Variants in TSPAN18 observed in about 807,000 individuals in gnomAD.
TSPAN18 encodes the protein tetraspanin 18.
In TSPAN18, 14 loss-of-function variants were observed where a neutral mutation model predicts 27.3. The ratio of observed to expected loss-of-function variants is 0.51; its 90% confidence interval spans 0.34 to 0.80. TSPAN18 has a LOEUF of 0.80. TSPAN18 is among the 30% of genes least tolerant of loss of function. The pLI is 0.01. For synonymous variants in TSPAN18, 143 were observed against 136.5 expected (o/e 1.05, Z -0.33); for missense variants, 268 against 323.9 (o/e 0.83, Z 1.32).
chr11:44,843,251 A>G (rs1857411795), intron 2 of TSPAN18, among the ~76,000 whole-genome samples: 1 of 152,302 alleles, frequency 6.6e-6, no homozygotes, highest in African/African-American at 2.4e-5. Flanking sequence ...AAAAGAGGGA[A>G]ATTTTAAAGC....
chr11:44,911,827 G>A (rs1293566818), intron 5 of TSPAN18, among the ~76,000 whole-genome samples: 1 of 152,112 alleles, frequency 6.6e-6, no homozygotes, highest in Non-Finnish European at 1.5e-5. Context: ...CAGGACTGAG[G>A]CCCAGGGGTA....
At chr11:44,910,545 C>T (rs1859670271) in intron 5 of TSPAN18, among the ~76,000 whole-genome samples, 1 of 152,208 alleles carries the variant, frequency 6.6e-6, no homozygotes, top group Non-Finnish European at 1.5e-5. Context: ...TGACATTGAC[C>T]TTGATGTTTT....
intron 2 of TSPAN18, among the ~76,000 whole-genome samples, chr11:44,857,021 G>A (rs2135202365): frequency 6.6e-6 from 1 of 152,308 alleles, no homozygotes; most frequent in South Asian, 2.1e-4. Flanking sequence ...CAGCTGTGAT[G>A]TTCATCGTGG....
chr11:44,835,106 G>T lies in TSPAN18; in HGVS notation c.-152-25222G>T, dbSNP rs542174725. On this transcript the variant is annotated intron_variant, in intron 2 of 9. Transcript: ENST00000520358. Reference sequence around the variant, plus strand: ...GGCTGCCTGCACACGGGAGCAGGGGGCTCCGGCAGCTCAAAGGTCATCCTC... The same window carrying T: ...GGCTGCCTGCACACGGGAGCAGGGGTCTCCGGCAGCTCAAAGGTCATCCTC... Among the ~76,000 whole-genome samples the T allele has an allele frequency of 2.1e-4, 32 of 152,328 alleles. No individual in the cohort carries two copies. In the East Asian group the frequency reaches 5.4e-3, roughly 26 times the overall value.
At chr11:44,812,167 G>C (rs1407684270) in intron 2 of TSPAN18, among the ~76,000 whole-genome samples, 1 of 152,244 alleles carries the variant, frequency 6.6e-6, no homozygotes, top group African/African-American at 2.4e-5. Flanking sequence ...AAGGCAAAGA[G>C]CATGCACTTT....
intron 3 of TSPAN18, among the ~76,000 whole-genome samples, chr11:44,864,983 A>G (rs146519667): frequency 2.6e-5 from 4 of 152,304 alleles, no homozygotes; most frequent in Non-Finnish European, 5.9e-5. Flanking sequence ...GATGGGTGGA[A>G]GGATCACAGT....
chr11:44,927,169 G>A (rs1860391611), intron 9 of TSPAN18, among the ~76,000 whole-genome samples: 1 of 152,226 alleles, frequency 6.6e-6, no homozygotes, highest in Non-Finnish European at 1.5e-5. Flanking sequence ...AGGGCCTACA[G>A]GGCCTTATTC....
At chr11:44,792,554 C>T (rs1480540332) in intron 2 of TSPAN18, among the ~76,000 whole-genome samples, 1 of 152,176 alleles carries the variant, frequency 6.6e-6, no homozygotes, top group East Asian at 1.9e-4. Flanking sequence ...TTCATTAGAG[C>T]TTTCTCAGTG....
At chr11:44,842,454 C>T (rs538337840) in intron 2 of TSPAN18, among the ~76,000 whole-genome samples, 8 of 152,224 alleles carry the variant, frequency 5.3e-5, no homozygotes, top group East Asian at 3.9e-4. Flanking sequence ...TATGCATGAC[C>T]GTGTATTTCT....
At chr11:44,898,962 G>T (rs1391392919) in intron 3 of TSPAN18, among the ~76,000 whole-genome samples, 1 of 152,178 alleles carries the variant, frequency 6.6e-6, no homozygotes, top group Non-Finnish European at 1.5e-5. Context: ...TGTTGTATTA[G>T]ACACCCATCT....
Position 44,898,075 on chromosome 11 carries a change from A to G in TSPAN18, c.-10-8332A>G, listed in dbSNP as rs759983117. Among the ~76,000 whole-genome samples, 3 of 152,228 alleles carry G rather than the reference A, an allele frequency of 2.0e-5. No homozygotes were observed. The South Asian group carries it at 6.2e-4, about 31-fold the overall frequency. ...CCAGATATATAATTGAGGACCCACT[A>G]TGTGCCAGGCACTGCTCCAGACACT... On this transcript the variant is annotated intron_variant, in intron 3 of 9. Transcript: ENST00000520358.
At chr11:44,760,414 C>A (rs1413188233) in intron 1 of TSPAN18, among the ~76,000 whole-genome samples, 2 of 152,200 alleles carry the variant, frequency 1.3e-5, no homozygotes, top group African/African-American at 4.8e-5. Flanking sequence ...TGAATAGAAT[C>A]AGTAGCTGGG....
intron 3 of TSPAN18, among the ~76,000 whole-genome samples, chr11:44,873,804 C>A (rs1272379713): frequency 1.3e-5 from 2 of 152,206 alleles, no homozygotes; most frequent in African/African-American, 4.8e-5. Context: ...CCTCAGAGCC[C>A]TCTGAGCAGA....
chr11:44,873,801 G>A (rs987625183), intron 3 of TSPAN18, among the ~76,000 whole-genome samples: 4 of 152,222 alleles, frequency 2.6e-5, no homozygotes, highest in African/African-American at 7.2e-5. Flanking sequence ...GGTCCTCAGA[G>A]CCCTCTGAGC....
chr11:44,851,708 G>A (rs1857610927), intron 2 of TSPAN18, among the ~76,000 whole-genome samples: 1 of 150,144 alleles, frequency 6.7e-6, no homozygotes, highest in Non-Finnish European at 1.5e-5. Flanking sequence ...TTCTACACCT[G>A]CCGTGCAAAT....
chr11:44,741,603 C>T (rs1272369660), intron 1 of TSPAN18, among the ~76,000 whole-genome samples: 2 of 152,104 alleles, frequency 1.3e-5, no homozygotes, highest in Non-Finnish European at 2.9e-5. Flanking sequence ...TAACATGAAA[C>T]GTGCTGCTAG....
chr11:44,786,865 C>G (rs550554960), intron 2 of TSPAN18, among the ~76,000 whole-genome samples: 1 of 152,168 alleles, frequency 6.6e-6, no homozygotes, highest in African/African-American at 2.4e-5. Flanking sequence ...CTCCTGACCT[C>G]AAGTGATCTG....
intron 2 of TSPAN18, among the ~76,000 whole-genome samples, chr11:44,794,870 A>T (rs1470892868): frequency 6.6e-6 from 1 of 152,292 alleles, no homozygotes; most frequent in East Asian, 1.9e-4. Flanking sequence ...TATGTGACTA[A>T]CAGTGCTCAG....
At chr11:44,777,887 A>G (rs1855850256) in intron 2 of TSPAN18, among the ~76,000 whole-genome samples, 1 of 152,108 alleles carries the variant, frequency 6.6e-6, no homozygotes, top group Non-Finnish European at 1.5e-5. Flanking sequence ...GACTAGGGAT[A>G]CCCAGGTAGG....
Sources: allele counts gnomAD v4.1 joint callset (sites outside exome capture counted in the v4.1 genomes callset), GRCh38; gene constraint gnomAD v4.1.1; transcripts MANE v1.5; gene names NCBI Gene and HGNC (gene_info 2026-07-23, HGNC 2026-07-21).